Variants in ADGRB1 observed in about 807,000 individuals in gnomAD.
ADGRB1 encodes brain-specific angiogenesis inhibitor 1.
A neutral mutation model predicts 175.7 loss-of-function variants in ADGRB1; 36 were observed. The ratio of observed to expected loss-of-function variants is 0.20; its 90% CI spans 0.16 to 0.27. ADGRB1 has a LOEUF of 0.27. Ranked by LOEUF, ADGRB1 falls within the 10% of genes least tolerant of loss-of-function variation. The pLI is 1.00. For synonymous variants in ADGRB1, 1,054 were observed against 979.4 expected (o/e 1.08, Z -1.42); for missense variants, 1,731 against 2,255.3 (o/e 0.77, Z 4.71).
In ADGRB1 at chr8:142,489,467, T is replaced by A. The variant is rs753848622; in HGVS notation, c.2631+29T>A. The A allele has an allele frequency of 1.9e-6, 3 of 1,604,140 alleles. No homozygotes were observed. The East Asian group carries it at 6.7e-5, about 36-fold the overall frequency. On this transcript the variant is annotated intron_variant, in intron 16 of 30. Coordinates refer to ENST00000517894, the MANE Select transcript of ADGRB1 (RefSeq NM_001702.3). ...AGTGCCGTCCACGTGCACACTCTGA[T>A]GCCAGCAGAAACGCGTGTGCGCGAA... is the stretch of plus-strand genomic sequence containing the variant.
At position 142,526,600 on chromosome 8, in the gene ADGRB1, C is replaced by T. The variant is rs768894333; in HGVS notation, c.3371C>T (p.Thr1124Met). 1.2e-5 allele frequency: 20 copies of T among 1,607,840 alleles called. No homozygotes were observed. The highest frequency in any genetic ancestry group is 3.3e-5 in the South Asian group (3 of 90,486). ...AAGCTCGTGTCCAAAGACGGCATCACGGACAAGAAGCTGAAGGAGCGGGCA... is the reference window on the plus strand; with the variant it reads ...AAGCTCGTGTCCAAAGACGGCATCATGGACAAGAAGCTGAAGGAGCGGGCA... Reference protein sequence around the residue: ...FNKLVSKDGITDKKLKERAGA... With the variant: ...FNKLVSKDGIMDKKLKERAGA... The change falls in exon 24 of 31, where the codon ACG (threonine) becomes ATG (methionine). Residue 1124 changes from threonine to methionine, a missense_variant. Physicochemically the swap from Thr to Met is moderately conservative, Grantham distance 81. Transcript: ENST00000517894.
chr8:142,520,969 G>T (rs1355376218), intron 20 of ADGRB1, 44 bp downstream of exon 20: 1 of 1,555,346 alleles, frequency 6.4e-7, no homozygotes, highest in East Asian at 2.2e-5. Context: ...AACATCCTCG[G>T]GTGGTGAGGA....
intron 23 of ADGRB1, among the ~76,000 whole-genome samples, 167 bp downstream of exon 23, chr8:142,524,471 G>A (rs1844057928): frequency 1.3e-5 from 2 of 152,226 alleles, no homozygotes; most frequent in Admixed American, 1.3e-4. Flanking sequence ...GCCCCACTCT[G>A]ACCTGCCCTT....
intron 7 of ADGRB1, 21 bp downstream of exon 7, chr8:142,478,381 G>GGGTC: frequency 6.4e-7 from 1 of 1,572,036 alleles, no homozygotes; most frequent in Non-Finnish European, 8.6e-7. Context: ...CGCCAGGCTG[G>GGGTC]GGTCGGGGGG....
Position 142,474,478 on chromosome 8 carries a change from G to A in ADGRB1, c.785-996G>A, listed in dbSNP as rs560361898. Among the ~76,000 whole-genome samples, 4 of 152,248 alleles carry A rather than the reference G, an allele frequency of 2.6e-5. No individual in the cohort carries two copies. Among genetic ancestry groups the A allele is most frequent in the Non-Finnish European group, 4.4e-5 (3 of 67,994 alleles). ...GCCCAGAGTGCTGGGCAGGAGGCCC[G>A]AGCGGGAGGCCTGGACGCGGCAGCC... On this transcript the variant is annotated intron_variant, in intron 2 of 30. Transcript: ENST00000517894. This position sits in a 1 kb window ranked among gnomAD's most constrained non-coding sequence, Gnocchi z 5.8.
Position 142,544,294 on chromosome 8 carries a change from G to C in ADGRB1, c.4632G>C (p.Val1544=). The C allele has an allele frequency of 6.5e-7, 1 of 1,549,396 alleles. No homozygotes were observed. Among genetic ancestry groups the C allele is most frequent in the Non-Finnish European group, 8.7e-7 (1 of 1,146,598 alleles). Residue 1544 remains valine (V), a synonymous_variant, in exon 31 of 31, where the codon GTG becomes GTC. Coordinates refer to ENST00000517894, the MANE Select transcript of ADGRB1 (RefSeq NM_001702.3). ...AAGCCCACGGGACGCCCACGTGGGT[G>C]AAGAAGGAGCTGGAGCCGCTGCAGC... The part of the protein sequence containing the change: ...LRKAHGTPTW[V]KKELEPLQPS...
chr8:142,489,840 T>G (rs1841901707), intron 16 of ADGRB1, among the ~76,000 whole-genome samples: 1 of 152,102 alleles, frequency 6.6e-6, no homozygotes. Context: ...AGGCCTCGCC[T>G]GCAGGGGCCC....
chr8:142,450,617 A>G (rs1839289643), intron 1 of ADGRB1, among the ~76,000 whole-genome samples: 1 of 150,606 alleles, frequency 6.6e-6, no homozygotes, highest in African/African-American at 2.5e-5. Context: ...GGCCCCCTAC[A>G]GACATTGTAA....
rs941567751 is a variant in ADGRB1 at position 142,510,962 on chromosome 8, G to T, written c.2706G>T (p.Gly902=). ...VPSSSAPPQL[G]PWSWRGCRTV... ...CCTCCTCCGCCCCCCCGCAGCTCGG[G>T]CCCTGGTCGTGGCGCGGCTGCCGCA... The change falls in exon 18 of 31, where the codon GGG becomes GGT. Residue 902 remains glycine, a synonymous_variant. Coordinates refer to ENST00000517894, the MANE Select transcript of ADGRB1 (RefSeq NM_001702.3). The surrounding 1 kb of genome is among the most constrained non-coding windows in gnomAD (Gnocchi z 6.3). 3 of 1,313,532 alleles carry T rather than the reference G, an allele frequency of 2.3e-6. No homozygotes were observed. Among genetic ancestry groups the T allele is most frequent in the Non-Finnish European group, 3.0e-6 (3 of 1,014,930 alleles). The allele number at this position is 1,313,532 out of a possible 1,614,324, so 81.4% of individuals were successfully genotyped here.
At chr8:142,534,324 C>T (rs1844806581) in intron 25 of ADGRB1, among the ~76,000 whole-genome samples, 1 of 152,210 alleles carries the variant, frequency 6.6e-6, no homozygotes, top group Non-Finnish European at 1.5e-5. Flanking sequence ...TCCATCCCAG[C>T]CTGGAAGGGC....
intron 2 of ADGRB1, among the ~76,000 whole-genome samples, chr8:142,466,785 C>T (rs952834561): frequency 6.6e-6 from 1 of 152,110 alleles, no homozygotes; most frequent in Non-Finnish European, 1.5e-5. Context: ...AGGTGGGAGG[C>T]TGCAGGAGGA....
At chr8:142,531,213 C>T (rs1315435817) in intron 24 of ADGRB1, among the ~76,000 whole-genome samples, 1 of 152,234 alleles carries the variant, frequency 6.6e-6, no homozygotes, top group Non-Finnish European at 1.5e-5. Context: ...AAGAGAGATT[C>T]TCCAGCTTAT....
At chr8:142,508,058 A>G (rs1311529184) in intron 17 of ADGRB1, among the ~76,000 whole-genome samples, 1 of 151,586 alleles carries the variant, frequency 6.6e-6, no homozygotes, top group Non-Finnish European at 1.5e-5. Flanking sequence ...TCCAGTTTTT[A>G]TGTGTCTGGC....
chr8:142,523,449 T>C (rs1843983418), intron 22 of ADGRB1, among the ~76,000 whole-genome samples: 1 of 151,272 alleles, frequency 6.6e-6, no homozygotes, highest in African/African-American at 2.4e-5. Context: ...GGGGACAGGA[T>C]GTGGCACCCC....
intron 24 of ADGRB1, among the ~76,000 whole-genome samples, chr8:142,528,610 C>T (rs1044039487): frequency 5.3e-5 from 8 of 152,202 alleles, no homozygotes; most frequent in Admixed American, 5.2e-4. Flanking sequence ...CTCTCTGCCG[C>T]CGATGCCACC....
chr8:142,485,610 G>C lies in ADGRB1; in HGVS notation c.2308+846G>C, dbSNP rs1841629965. Reference sequence around the variant, plus strand: ...TGCTTCACCTTTAGTGATATGACCAGGATCAGCTGAGCTTTGTCAGCACAC... The same window carrying C: ...TGCTTCACCTTTAGTGATATGACCACGATCAGCTGAGCTTTGTCAGCACAC... On this transcript the variant is annotated intron_variant, in intron 13 of 30. Coordinates refer to ENST00000517894, the MANE Select transcript of ADGRB1 (RefSeq NM_001702.3). Among the ~76,000 whole-genome samples, 2 of 152,230 alleles carry C rather than the reference G, an allele frequency of 1.3e-5. 1 individual carries two copies. Among genetic ancestry groups the C allele is most frequent in the South Asian group, 4.1e-4 (2 of 4,830 alleles).
At chr8:142,457,770 G>A (rs1235635559) in intron 1 of ADGRB1, among the ~76,000 whole-genome samples, 1 of 152,174 alleles carries the variant, frequency 6.6e-6, no homozygotes, top group African/African-American at 2.4e-5. Flanking sequence ...GACTTGGCTA[G>A]TGCCTGACTC....
chr8:142,470,573 G>A (rs1840608121), intron 2 of ADGRB1, among the ~76,000 whole-genome samples: 1 of 152,012 alleles, frequency 6.6e-6, no homozygotes, highest in African/African-American at 2.4e-5. Context: ...CCCTGTGTGT[G>A]GTCTGTGTGC....
rs188682003 is a variant in ADGRB1 at position 142,532,009 on chromosome 8, G to T, written c.3399-1286G>T. On this transcript the variant is annotated intron_variant, in intron 24 of 30. Transcript: ENST00000517894. ...AGAGCGTGTGGTTTTGGAGGCCCTT[G>T]TCCTGGCAGACTCCAGGTCATTCCA... Among the ~76,000 whole-genome samples, 73 of 152,270 alleles carry T rather than the reference G, an allele frequency of 4.8e-4. 1 individual carries two copies. In the East Asian group the frequency reaches 0.01, roughly 21 times the overall value.
Sources: gnomAD v4.1 joint callset for allele counts (sites outside exome capture counted in the v4.1 genomes callset) on GRCh38, gnomAD v4.1.1 for gene constraint, Gnocchi (gnomAD v3.1) non-coding constraint, MANE v1.5 for transcripts, NCBI Gene and HGNC (gene_info 2026-07-23, HGNC 2026-07-21) for gene names.